The following TYW1B variants were observed in gnomAD, a reference collection of about 807,000 sequenced individuals.
TYW1B encodes tRNA-yW synthesizing protein 1 homolog B.
TYW1B carries 73 observed loss-of-function variants against 86.9 expected under a neutral mutation model. That is an observed-to-expected ratio of 0.84 (90% CI 0.70 to 1.02). The LOEUF (loss-of-function observed/expected upper bound fraction) is 1.02, where lower values mean the gene tolerates loss of function less well. Ranked by LOEUF, TYW1B falls within the 50% of genes least tolerant of loss-of-function variation. The pLI is 0.00. For missense variants in TYW1B, 637 were observed against 827.4 expected, an observed-to-expected ratio of 0.77 and a Z score of 2.82; for synonymous variants, 248 against 292.8, an observed-to-expected ratio of 0.85 and a Z score of 1.56.
chr7:72,807,647 T>C (rs1467036630), intron 4 of TYW1B, among the ~76,000 whole-genome samples: 1 of 152,174 alleles, frequency 6.6e-6, no homozygotes, highest in Non-Finnish European at 1.5e-5. Context: ...ATTTGAAACC[T>C]ACCATTCTAT....
Position 72,642,929 on chromosome 7 carries a change from C to CTATA in TYW1B, c.1507-13936_1507-13933dup, listed in dbSNP as rs1375154349. On this transcript the variant is annotated intron_variant, in intron 11 of 13. Coordinates refer to ENST00000620995, the MANE Select transcript of TYW1B (RefSeq NM_001145440.3). ...AAAAAAGATGAAGTTCTGATTCATG[C>CTATA]TATAACACGCGCTAACTTGGAAAAC... is the stretch of plus-strand genomic sequence containing the variant. Among the ~76,000 whole-genome samples, 8 of 152,220 alleles carry CTATA rather than the reference C, an allele frequency of 5.3e-5. No homozygotes were observed. In the South Asian group the frequency reaches 1.2e-3, roughly 24 times the overall value.
In TYW1B at chr7:72,625,076, T is replaced by C. The variant is rs11981859; in HGVS notation, c.1617+3811A>G. Among the ~76,000 whole-genome samples, 302 of 151,088 alleles carry C rather than the reference T, an allele frequency of 2.0e-3. 1 individual carries two copies. The highest frequency in any genetic ancestry group is 7.0e-3 in the African/African-American group (288 of 41,172). ...CCTGTCTCAAAAAAAAAAAAAAAAA[T>C]TTAATTGTGGTTATACATTTCTCCA... On this transcript the variant is annotated intron_variant, in intron 12 of 13. Coordinates refer to ENST00000620995, the MANE Select transcript of TYW1B (RefSeq NM_001145440.3).
chr7:72,684,629 A>C (rs1813962505), intron 11 of TYW1B, among the ~76,000 whole-genome samples: 1 of 152,162 alleles, frequency 6.6e-6, no homozygotes. Context: ...TAAGAAAAGA[A>C]AGGAAGAACA....
rs782240448 is a variant in TYW1B, at chr7:72,807,079, T to A, written c.710A>T (p.His237Leu). ...CAGGCGGTATACCTTGGTGTCTCTG[T>A]GATGCAATTCGTCCTGCTCTTGAGA... ...EGSQEQDELH[H>L]RDTKEEEPFE... Residue 237 changes from histidine to leucine, a missense_variant, in exon 5 of 14, where the codon CAC becomes CTC. Physicochemically the swap from His to Leu is moderately conservative, Grantham distance 99. Transcript: ENST00000620995. 6.2e-7 allele frequency: 1 copy of A among 1,613,938 alleles called. No homozygotes were observed. Among genetic ancestry groups the A allele is most frequent in the Non-Finnish European group, 8.5e-7 (1 of 1,179,876 alleles).
intron 7 of TYW1B, among the ~76,000 whole-genome samples, chr7:72,745,397 T>C (rs1450360154): frequency 6.6e-6 from 1 of 152,084 alleles, no homozygotes. Context: ...TATTCCCATT[T>C]CCAAAAAGAT....
At chr7:72,768,981 T>C in intron 7 of TYW1B, 1 of 324,730 alleles carries the variant, frequency 3.1e-6, no homozygotes, top group Non-Finnish European at 6.2e-6. Context: ...CTTTCTTCTC[T>C]ACCTTACTAT....
At chr7:72,706,832 C>A (rs1303671599) in intron 10 of TYW1B, among the ~76,000 whole-genome samples, 1 of 152,088 alleles carries the variant, frequency 6.6e-6, no homozygotes, top group Non-Finnish European at 1.5e-5. Context: ...TTATGTAAAA[C>A]CTCTTGGTTT....
intron 7 of TYW1B, among the ~76,000 whole-genome samples, chr7:72,752,891 A>G (rs975975304): frequency 8.5e-5 from 13 of 152,326 alleles, no homozygotes; most frequent in African/African-American, 3.1e-4. Flanking sequence ...CCCACCAGCC[A>G]AAGTGTGAAA....
intron 3 of TYW1B, among the ~76,000 whole-genome samples, chr7:72,811,649 T>A (rs2129572725): frequency 6.6e-6 from 1 of 151,934 alleles, no homozygotes; most frequent in Middle Eastern, 3.4e-3. Context: ...CAGTGGCTCA[T>A]ACCTGTAATC....
At chr7:72,639,104 C>T (rs1812738656) in intron 11 of TYW1B, among the ~76,000 whole-genome samples, 2 of 151,860 alleles carry the variant, frequency 1.3e-5, no homozygotes, top group African/African-American at 2.4e-5. Flanking sequence ...TTAGATATTA[C>T]TCTGAGAAAA....
intron 7 of TYW1B, chr7:72,769,176 C>A: frequency 2.4e-6 from 1 of 423,228 alleles, no homozygotes; most frequent in Non-Finnish European, 3.8e-6. Context: ...AACTGTGTTA[C>A]CATGCCATTT....
chr7:72,818,578 C>CAAAAAAAAAAAAAAAAAA (rs57325230), intron 2 of TYW1B, among the ~76,000 whole-genome samples: 1 of 38,432 alleles, frequency 2.6e-5, no homozygotes, highest in Non-Finnish European at 5.2e-5. Flanking sequence ...GACTCCATCT[C>CAAAAAAAAAAAAAAAAAA]AAAAAAAAAA....
chr7:72,604,629 C>A (rs1811753417), intron 13 of TYW1B, among the ~76,000 whole-genome samples: 1 of 152,070 alleles, frequency 6.6e-6, no homozygotes, highest in Non-Finnish European at 1.5e-5. Flanking sequence ...TGTTTCTGCA[C>A]TAAAATTATC....
chr7:72,704,702 T>TTATCTCACATACTCGCAA (rs1272987547), intron 10 of TYW1B, among the ~76,000 whole-genome samples: 1 of 152,186 alleles, frequency 6.6e-6, no homozygotes, highest in Non-Finnish European at 1.5e-5. Context: ...GTTTCATGTC[T>TTATCTCACATACTCGCAA]TATCTCACAT....
At chr7:72,762,503 T>C (rs930996378) in intron 7 of TYW1B, among the ~76,000 whole-genome samples, 1 of 152,190 alleles carries the variant, frequency 6.6e-6, no homozygotes, top group Non-Finnish European at 1.5e-5. Context: ...AACATGTTTA[T>C]CTTAAAAGCC....
chr7:72,801,746 C>A (rs1486555277), intron 6 of TYW1B, among the ~76,000 whole-genome samples: 1 of 152,062 alleles, frequency 6.6e-6, no homozygotes, highest in Non-Finnish European at 1.5e-5. Context: ...CAGTCACATC[C>A]CAGATTGGTA....
intron 13 of TYW1B, among the ~76,000 whole-genome samples, chr7:72,589,719 A>C (rs1471031072): frequency 2.6e-5 from 4 of 152,220 alleles, no homozygotes; most frequent in African/African-American, 9.6e-5. Flanking sequence ...TCTACTAAAA[A>C]TGCAAAATCA....
intron 10 of TYW1B, among the ~76,000 whole-genome samples, chr7:72,705,529 G>C (rs1446707987): frequency 3.9e-5 from 6 of 152,116 alleles, no homozygotes; most frequent in African/African-American, 1.4e-4. Context: ...CCTGCTAGCA[G>C]CTAAAAAGCT....
intron 2 of TYW1B, among the ~76,000 whole-genome samples, chr7:72,826,008 AG>A (rs1307185923): frequency 3.3e-5 from 5 of 152,230 alleles, no homozygotes; most frequent in Admixed American, 2.6e-4. Flanking sequence ...TCACTGCTAA[AG>A]GACAGTTCAC....
Sources: gnomAD v4.1 joint callset for allele counts (sites outside exome capture counted in the v4.1 genomes callset) on GRCh38, gnomAD v4.1.1 for gene constraint, MANE v1.5 for transcripts, NCBI Gene and HGNC (gene_info 2026-07-23, HGNC 2026-07-21) for gene names.